The following MCC variants were observed in gnomAD, a reference collection of about 807,000 sequenced individuals.
MCC encodes colorectal mutant cancer protein.
Under a neutral mutation model 116.2 loss-of-function variants are expected in MCC, and 90 were observed. That is an observed-to-expected ratio of 0.77 (90% CI 0.65 to 0.92). The LOEUF (loss-of-function observed/expected upper bound fraction) is 0.92, where lower values mean the gene tolerates loss of function less well. Ranked by LOEUF, MCC falls within the 40% of genes least tolerant of loss-of-function variation. The pLI, the probability that MCC is intolerant of heterozygous loss-of-function variation, is 0.00. For missense variants in MCC, 1,516 were observed against 1,312.2 expected, an observed-to-expected ratio of 1.16 and a Z score of -2.40; for synonymous variants, 578 against 510.5, an observed-to-expected ratio of 1.13 and a Z score of -1.78.
chr5:113,287,367 C>T (rs759496492), intron 3 of MCC, among the ~76,000 whole-genome samples: 3 of 152,224 alleles, frequency 2.0e-5, no homozygotes, highest in Non-Finnish European at 4.4e-5. Flanking sequence ...CTCGCTCTGT[C>T]GCCCAGGCTG....
At position 113,032,574 on chromosome 5, in the gene MCC, A is replaced by G. The variant is rs141615560; in HGVS notation, c.2757-3518T>C. 2.0e-3 allele frequency among the ~76,000 whole-genome samples: 303 copies of G among 152,322 alleles called. 1 individual carries two copies. The highest frequency in any genetic ancestry group is 6.9e-3 in the African/African-American group (285 of 41,564). On this transcript the variant is annotated intron_variant, in intron 17 of 18. Transcript: ENST00000408903. ...ATGCCTTGCATTTGTGGATCATATT[A>G]TATCACCAGTGGACAGTGCTGCTCT... is the stretch of plus-strand genomic sequence containing the variant.
chr5:113,287,465 T>G (rs972542240), intron 3 of MCC, among the ~76,000 whole-genome samples: 1 of 152,128 alleles, frequency 6.6e-6, no homozygotes, highest in Admixed American at 6.5e-5. Flanking sequence ...TAGCTGGGAT[T>G]ACAAGTGCCC....
intron 11 of MCC, among the ~76,000 whole-genome samples, chr5:113,071,654 G>T (rs943214023): frequency 7.2e-5 from 11 of 152,222 alleles, no homozygotes; most frequent in African/African-American, 2.4e-4. Context: ...TATTTGTTAA[G>T]CCTTTGCTTT....
At chr5:113,046,974 C>G (rs1752134630) in intron 16 of MCC, among the ~76,000 whole-genome samples, 1 of 152,152 alleles carries the variant, frequency 6.6e-6, no homozygotes, top group African/African-American at 2.4e-5. Context: ...GCATCAACTC[C>G]ACAACCCTCC....
rs1754277531 is a variant in MCC at position 113,074,505 on chromosome 5, A to G, written c.1785-3271T>C. 2.0e-5 allele frequency among the ~76,000 whole-genome samples: 3 copies of G among 152,248 alleles called. No homozygotes were observed. In the South Asian group the frequency reaches 6.2e-4, roughly 31 times the overall value. ...CTCCAAAGGAAGACAGCTCCTCGCC[A>G]GCAATGGAACAAAGCTGGACAGAGA... On this transcript the variant is annotated intron_variant, in intron 11 of 18. Coordinates refer to ENST00000408903, the MANE Select transcript of MCC (RefSeq NM_001085377.2).
intron 8 of MCC, among the ~76,000 whole-genome samples, chr5:113,089,999 G>A (rs951794556): frequency 6.6e-6 from 1 of 152,116 alleles, no homozygotes; most frequent in East Asian, 1.9e-4. Flanking sequence ...TGTAAGAGAG[G>A]GCTTATCAGT....
chr5:113,113,608 G>A (rs1271842540), intron 6 of MCC, among the ~76,000 whole-genome samples: 5 of 139,406 alleles, frequency 3.6e-5, no homozygotes, highest in African/African-American at 1.3e-4. Context: ...GGAACCTCCC[G>A]CTGCAACATG....
At chr5:113,304,506 C>T (rs376644165) in intron 3 of MCC, among the ~76,000 whole-genome samples, 91 of 152,110 alleles carry the variant, frequency 6.0e-4, no homozygotes, top group African/African-American at 1.0e-3. Context: ...TCAACATCTC[C>T]GACATTATCA....
chr5:113,469,322 T>G (rs10061610), intron 1 of MCC, among the ~76,000 whole-genome samples: 109,698 of 151,880 alleles, frequency 0.72, 40,070 homozygotes, highest in East Asian at 0.88. Flanking sequence ...GGGCGTTTAG[T>G]GCTAGAAATT....
At chr5:113,095,476 G>A (rs1394522578) in intron 8 of MCC, among the ~76,000 whole-genome samples, 2 of 152,126 alleles carry the variant, frequency 1.3e-5, no homozygotes, top group African/African-American at 4.8e-5. Context: ...TCACAAATAA[G>A]TGTTTGAAAT....
intron 3 of MCC, among the ~76,000 whole-genome samples, chr5:113,313,822 T>A (rs536428870): frequency 2.1e-4 from 32 of 151,970 alleles, no homozygotes; most frequent in African/African-American, 7.7e-4. Context: ...TTGTTTTGTT[T>A]GTTTGTTTGT....
intron 5 of MCC, among the ~76,000 whole-genome samples, chr5:113,129,287 T>C (rs765090847): frequency 4.0e-5 from 6 of 151,698 alleles, no homozygotes; most frequent in Non-Finnish European, 7.4e-5. Flanking sequence ...TTAAGAAGAG[T>C]GCCGTCAGGA....
intron 17 of MCC, among the ~76,000 whole-genome samples, chr5:113,040,049 G>A (rs572826445): frequency 4.0e-5 from 6 of 151,616 alleles, no homozygotes; most frequent in Admixed American, 2.6e-4. Context: ...AAAACATCTC[G>A]TGTGCCAGAC....
At chr5:113,451,462 C>T (rs1013091111) in intron 1 of MCC, among the ~76,000 whole-genome samples, 1 of 152,182 alleles carries the variant, frequency 6.6e-6, no homozygotes. Flanking sequence ...AGGCTGGGTG[C>T]GGTGACTCAT....
intron 12 of MCC, among the ~76,000 whole-genome samples, chr5:113,069,822 G>C (rs138090787): frequency 6.6e-6 from 1 of 152,086 alleles, no homozygotes; most frequent in Non-Finnish European, 1.5e-5. Context: ...TCCTGACCTC[G>C]TGATCCGCCC....
At chr5:113,177,939 G>A (rs575968107) in intron 3 of MCC, among the ~76,000 whole-genome samples, 2 of 152,006 alleles carry the variant, frequency 1.3e-5, no homozygotes, top group African/African-American at 2.4e-5. Context: ...CCTTCTTTTC[G>A]AATTACGAAA....
intron 3 of MCC, among the ~76,000 whole-genome samples, chr5:113,198,706 C>CAAA (rs530273754): frequency 3.0e-5 from 3 of 99,902 alleles, no homozygotes; most frequent in African/African-American, 6.6e-5. Flanking sequence ...ACCCCCACCT[C>CAAA]AAAAAAAAAA....
intron 2 of MCC, among the ~76,000 whole-genome samples, chr5:113,373,948 C>A (rs1288203946): frequency 1.3e-5 from 2 of 151,610 alleles, no homozygotes; most frequent in East Asian, 3.9e-4. Context: ...GTCACCCAAG[C>A]TGGAATGCAG....
chr5:113,092,094 A>C (rs1755686007), intron 8 of MCC, among the ~76,000 whole-genome samples: 1 of 152,212 alleles, frequency 6.6e-6, no homozygotes. Flanking sequence ...ATGCCTACTT[A>C]GAATATTGTG....
Sources: gnomAD v4.1 joint callset for allele counts (sites outside exome capture counted in the v4.1 genomes callset) on GRCh38, gnomAD v4.1.1 for gene constraint, MANE v1.5 for transcripts, NCBI Gene and HGNC (gene_info 2026-07-23, HGNC 2026-07-21) for gene names.